PELI2: variants seen among roughly 807,000 people sequenced by gnomAD.
PELI2 encodes the protein pellino E3 ubiquitin protein ligase family member 2, also known as E3 ubiquitin-protein ligase pellino homolog 2.
Under a neutral mutation model 42.3 loss-of-function variants are expected in PELI2, and 23 were observed. The ratio of observed to expected loss-of-function variants is 0.54; its 90% confidence interval spans 0.39 to 0.77. PELI2 has a LOEUF of 0.77. Among genes scored for constraint, PELI2 ranks in the 30% least tolerant of loss-of-function variants. The probability of loss-of-function intolerance (pLI) is 0.00; values close to 1 mark genes in which losing one functional copy is unlikely to be tolerated. For missense variants in PELI2, 463 were observed against 553.2 expected (o/e 0.84, Z 1.64); for synonymous variants, 245 against 212.2 (o/e 1.15, Z -1.34).
intron 2 of PELI2, among the ~76,000 whole-genome samples, chr14:56,214,529 T>G (rs1886829563): frequency 1.3e-5 from 2 of 152,150 alleles, no homozygotes; most frequent in South Asian, 4.1e-4. Context: ...GTCCAGAATT[T>G]TATCAAGTGG....
At chr14:56,188,022 A>G (rs1175760706) in intron 2 of PELI2, among the ~76,000 whole-genome samples, 1 of 152,236 alleles carries the variant, frequency 6.6e-6, no homozygotes, top group Non-Finnish European at 1.5e-5. Flanking sequence ...CAATATCAGT[A>G]TTCGGAAAAG....
At chr14:56,232,905 C>T (rs1207665236) in intron 2 of PELI2, among the ~76,000 whole-genome samples, 4 of 152,124 alleles carry the variant, frequency 2.6e-5, no homozygotes, top group Non-Finnish European at 4.4e-5. Flanking sequence ...GCAACTCCAG[C>T]AAAGTCTCAG....
chr14:56,222,072 C>A (rs1594653802), intron 2 of PELI2, among the ~76,000 whole-genome samples: 2 of 145,340 alleles, frequency 1.4e-5, no homozygotes, highest in South Asian at 4.3e-4. Flanking sequence ...TAGCTTTGGA[C>A]TTTTTTTTTT....
At chr14:56,230,563 G>A (rs908818001) in intron 2 of PELI2, among the ~76,000 whole-genome samples, 1 of 152,108 alleles carries the variant, frequency 6.6e-6, no homozygotes, top group Non-Finnish European at 1.5e-5. Flanking sequence ...GAGATTTTGT[G>A]ACCACGAGGC....
rs55861626 is a variant in PELI2 at position 56,197,916 on chromosome 14, G to GACAC, written c.207+19481_207+19484dup. Reference sequence around the variant, plus strand: ...CACACCAGGAATGGTGACTGGTGAAGACACACACACACACACACACACACA... The same window carrying GACAC: ...CACACCAGGAATGGTGACTGGTGAAGACACACACACACACACACACACACACACA... On this transcript the variant is annotated intron_variant, in intron 2 of 5. Coordinates refer to ENST00000267460, the MANE Select transcript of PELI2 (RefSeq NM_021255.3). This position sits in a 1 kb window ranked among gnomAD's most constrained non-coding sequence, Gnocchi z 4.9. 3.3e-4 allele frequency among the ~76,000 whole-genome samples: 45 copies of GACAC among 138,258 alleles called. No homozygotes were observed. Among genetic ancestry groups the GACAC allele is most frequent in the Middle Eastern group, 3.5e-3 (1 of 282 alleles). The allele number at this position is 138,258 out of a possible 152,430, so 90.7% of individuals were successfully genotyped here. A position where few individuals can be genotyped will look rare whatever the true frequency, so the allele number is the denominator to read the frequency against.
rs148392884 is a variant in PELI2 at position 56,216,349 on chromosome 14, A to G, written c.207+37885A>G. Among the ~76,000 whole-genome samples the G allele has an allele frequency of 1.1e-4, 16 of 152,304 alleles. 1 individual carries two copies. The highest frequency in any genetic ancestry group is 3.4e-3 in the Middle Eastern group (1 of 294). On this transcript the variant is annotated intron_variant, in intron 2 of 5. Coordinates refer to ENST00000267460, the MANE Select transcript of PELI2 (RefSeq NM_021255.3). ...CAGTCGTGAAGTTACACTGTGTTCA[A>G]TCTTGTTCTCTAGGTTCATTTCCAG... is the stretch of plus-strand genomic sequence containing the variant.
chr14:56,129,947 C>G lies in PELI2; in HGVS notation c.77+11210C>G, dbSNP rs542075457. Among the ~76,000 whole-genome samples, 20 of 152,292 alleles carry G rather than the reference C, an allele frequency of 1.3e-4. No individual in the cohort carries two copies. In the East Asian group the frequency reaches 3.1e-3, roughly 24 times the overall value. On this transcript the variant is annotated intron_variant, in intron 1 of 5. Transcript: ENST00000267460. Reference sequence around the variant, plus strand: ...CTGCCCTGCTTGGCCTGGTCGTGTTCCCATCTCAACTTCTGCCATTTCTTC... The same window carrying G: ...CTGCCCTGCTTGGCCTGGTCGTGTTGCCATCTCAACTTCTGCCATTTCTTC...
intron 2 of PELI2, among the ~76,000 whole-genome samples, chr14:56,244,612 C>T (rs1852299002): frequency 6.6e-6 from 1 of 152,166 alleles, no homozygotes; most frequent in Non-Finnish European, 1.5e-5. Context: ...AATGCTCATC[C>T]TCCCTCCACT....
chr14:56,270,635 T>C (rs751558097), intron 2 of PELI2, among the ~76,000 whole-genome samples: 4 of 152,226 alleles, frequency 2.6e-5, no homozygotes, highest in Non-Finnish European at 5.9e-5. Flanking sequence ...AAAAATGTTA[T>C]GGACTGCAGG....
intron 2 of PELI2, among the ~76,000 whole-genome samples, chr14:56,186,421 C>T (rs1184730016): frequency 1.3e-5 from 2 of 152,198 alleles, no homozygotes; most frequent in African/African-American, 4.8e-5. Flanking sequence ...ATCAGCCAAG[C>T]CTGCTGAACT....
chr14:56,143,126 G>T lies in PELI2; in HGVS notation c.77+24389G>T, dbSNP rs367746542. On this transcript the variant is annotated intron_variant, in intron 1 of 5. Transcript: ENST00000267460. ...ATGTCTCCTTACTCCCTTCTAATCT[G>T]TGACAGTTCCTCAGTCTTTCATGAC... 2.0e-4 allele frequency among the ~76,000 whole-genome samples: 31 copies of T among 151,950 alleles called. No homozygotes were observed. In the East Asian group the frequency reaches 5.8e-3, roughly 28 times the overall value.
chr14:56,126,738 GGATTGATTGATT>G (rs931442616), intron 1 of PELI2, among the ~76,000 whole-genome samples: 1 of 152,086 alleles, frequency 6.6e-6, no homozygotes, highest in Non-Finnish European at 1.5e-5. Context: ...ATTGATTGAT[GGATTGATTGATT>G]GATTGCGTTG....
intron 1 of PELI2, among the ~76,000 whole-genome samples, chr14:56,132,520 ACCCCCGCCCTGCT>A (rs1883527571): frequency 6.6e-6 from 1 of 151,958 alleles, no homozygotes; most frequent in African/African-American, 2.4e-5. Context: ...TGCTGGAGTC[ACCCCCGCCCTGCT>A]GCTTGATGGC....
chr14:56,176,109 G>A (rs1286497239), intron 1 of PELI2, among the ~76,000 whole-genome samples: 2 of 152,230 alleles, frequency 1.3e-5, no homozygotes, highest in African/African-American at 4.8e-5. Flanking sequence ...CAGCCCCAGA[G>A]TGGTGGGGAA....
intron 2 of PELI2, among the ~76,000 whole-genome samples, chr14:56,214,073 G>A (rs945158515): frequency 1.7e-4 from 26 of 152,108 alleles, no homozygotes; most frequent in African/African-American, 6.0e-4. Context: ...GGATGGTCTC[G>A]AACTCCAGAC....
At chr14:56,251,496 T>G (rs1007764247) in intron 2 of PELI2, among the ~76,000 whole-genome samples, 2 of 152,234 alleles carry the variant, frequency 1.3e-5, no homozygotes, top group Admixed American at 1.3e-4. Context: ...AGTATTCTGT[T>G]TGATCCTTGC....
At chr14:56,146,096 G>A (rs906791284) in intron 1 of PELI2, among the ~76,000 whole-genome samples, 4 of 152,176 alleles carry the variant, frequency 2.6e-5, no homozygotes, top group Non-Finnish European at 5.9e-5. Flanking sequence ...ACTCATCCCG[G>A]CAGAGGTTTT....
In PELI2 at chr14:56,128,678, G is replaced by A. The variant is rs78067667; in HGVS notation, c.77+9941G>A. ...GTATGGCTGGAGGCTGAAGTACTTG[G>A]GGAGGGAGGTGAAGTTGGAAAGTCA... is the stretch of plus-strand genomic sequence containing the variant. On this transcript the variant is annotated intron_variant, in intron 1 of 5. Coordinates refer to ENST00000267460, the MANE Select transcript of PELI2 (RefSeq NM_021255.3). Among the ~76,000 whole-genome samples, 256 of 152,202 alleles carry A rather than the reference G, an allele frequency of 1.7e-3. 4 individuals are homozygous for A. The East Asian group carries it at 0.047, about 28-fold the overall frequency.
At chr14:56,260,845 G>C (rs73292470) in intron 2 of PELI2, among the ~76,000 whole-genome samples, 331 of 152,252 alleles carry the variant, frequency 2.2e-3, no homozygotes, top group African/African-American at 7.6e-3. Flanking sequence ...CTAATGAATG[G>C]ATATGGACAC....
Sources: allele counts gnomAD v4.1 joint callset (sites outside exome capture counted in the v4.1 genomes callset), GRCh38; gene constraint gnomAD v4.1.1; non-coding constraint Gnocchi (gnomAD v3.1); transcripts MANE v1.5; gene names NCBI Gene and HGNC (gene_info 2026-07-23, HGNC 2026-07-21).